FUT8: variants seen among roughly 807,000 people sequenced by gnomAD.
FUT8 encodes the protein alpha-(1,6)-fucosyltransferase.
A neutral mutation model predicts 71.3 loss-of-function variants in FUT8; 29 were observed. The observed-to-expected ratio is 0.41, with a 90% CI of 0.30 to 0.55. The LOEUF (loss-of-function observed/expected upper bound fraction) is 0.55. Among genes scored for constraint, FUT8 ranks in the 20% least tolerant of loss-of-function variants. The pLI, the probability that FUT8 is intolerant of heterozygous loss-of-function variation, is 0.34. For synonymous variants in FUT8, 254 were observed against 239.3 expected (o/e 1.06, Z -0.57); for missense variants, 544 against 702.1 (o/e 0.77, Z 2.55).
chr14:65,441,033 G>GA (rs920753728), intron 1 of FUT8, among the ~76,000 whole-genome samples: 176 of 151,302 alleles, frequency 1.2e-3, no homozygotes, highest in African/African-American at 3.8e-3. Context: ...CTTAAAAGAG[G>GA]AAAAAAAAGA....
rs1464357953 is a variant in FUT8, at chr14:65,550,892, T to C, written c.-227-10445T>C. ...TCTGTTGATGGGCAATTACGTTGTT[T>C]TTCCAGTTTAGTGCTGTTGCAGACA... On this transcript the variant is annotated intron_variant, in intron 2 of 10. Coordinates refer to ENST00000673929, the MANE Select transcript of FUT8 (RefSeq NM_001371533.1). The surrounding 1 kb of genome is among the most constrained non-coding windows in gnomAD (Gnocchi z 4.5). 6.6e-6 allele frequency among the ~76,000 whole-genome samples: 1 copy of C among 152,180 alleles called. No individual in the cohort carries two copies. Among genetic ancestry groups the C allele is most frequent in the Non-Finnish European group, 1.5e-5 (1 of 68,040 alleles).
At chr14:65,693,262 C>T (rs1309819596) in intron 7 of FUT8, among the ~76,000 whole-genome samples, 3 of 152,206 alleles carry the variant, frequency 2.0e-5, no homozygotes, top group South Asian at 4.1e-4. Context: ...CCAGGCACCT[C>T]GGGAGGCCGA....
At chr14:65,641,153 TCCGTTTGTGTTTCCTCCACCA>T (rs1313130043) in intron 6 of FUT8, among the ~76,000 whole-genome samples, 9 of 152,176 alleles carry the variant, frequency 5.9e-5, no homozygotes, top group Non-Finnish European at 1.3e-4. Context: ...TGTGCTCATG[TCCGTTTGTGTTTCCTCCACCA>T]CTTCCCACCT....
chr14:65,544,103 A>G (rs1429522385), intron 2 of FUT8, among the ~76,000 whole-genome samples: 1 of 152,164 alleles, frequency 6.6e-6, no homozygotes, highest in Non-Finnish European at 1.5e-5. Context: ...AAAGAAGTAT[A>G]ATATAAGTAG....
rs60967671 is a variant in FUT8 at position 65,643,665 on chromosome 14, T to TAC, written c.597+14108_597+14109dup. Among the ~76,000 whole-genome samples, 14,767 of 124,454 alleles carry TAC rather than the reference T, an allele frequency of 0.12. 992 individuals are homozygous for TAC. The highest frequency in any genetic ancestry group is 0.15 in the African/African-American group (4,759 of 31,156). The allele number at this position is 124,454 out of a possible 152,430, so 81.6% of individuals were successfully genotyped here. The stretch of plus-strand genomic sequence containing the variant: ...CGAGACTCCGTCTTTAAAAAAAAAA[T>TAC]ACACACACACACACACACACACACA... On this transcript the variant is annotated intron_variant, in intron 6 of 10. Coordinates refer to ENST00000673929, the MANE Select transcript of FUT8 (RefSeq NM_001371533.1). The surrounding 1 kb of genome is among the most constrained non-coding windows in gnomAD (Gnocchi z 4.5).
At chr14:65,380,280 A>G in the FUT8 span, among the ~76,000 whole-genome samples, 1 of 152,184 alleles carries the variant, frequency 6.6e-6, no homozygotes, top group African/African-American at 2.4e-5. Flanking sequence ...CACTATTACT[A>G]GAATAGCATG....
chr14:65,737,165 A>G (rs963208749), intron 10 of FUT8, among the ~76,000 whole-genome samples: 2 of 152,104 alleles, frequency 1.3e-5, no homozygotes, highest in Non-Finnish European at 2.9e-5. Context: ...TATATCCATA[A>G]GTGAGGTCTG....
intron 2 of FUT8, among the ~76,000 whole-genome samples, chr14:65,536,073 T>A (rs1884291753): frequency 6.6e-6 from 1 of 152,074 alleles, no homozygotes; most frequent in South Asian, 2.1e-4. Context: ...TGGCTTAAAA[T>A]CTGTTTTTTT....
the FUT8 span, among the ~76,000 whole-genome samples, chr14:65,401,033 G>A: frequency 6.6e-6 from 1 of 152,164 alleles, no homozygotes; most frequent in Non-Finnish European, 1.5e-5. Context: ...CCAGACCAAT[G>A]TAAGGGAGGC....
chr14:65,732,704 G>A (rs1385610204), intron 9 of FUT8, among the ~76,000 whole-genome samples: 1 of 152,116 alleles, frequency 6.6e-6, no homozygotes, highest in African/African-American at 2.4e-5. Flanking sequence ...TGCAGGTTAA[G>A]GGAGACTGTT....
chr14:65,496,244 C>T (rs2066557509), intron 2 of FUT8, among the ~76,000 whole-genome samples: 1 of 152,088 alleles, frequency 6.6e-6, no homozygotes, highest in South Asian at 2.1e-4. Context: ...AGTCATATTC[C>T]TTTTAGAATT....
chr14:65,669,171 TAAAAA>T lies in FUT8; in HGVS notation c.598-64_598-60del, dbSNP rs376073861. 1.1e-6 allele frequency: 1 copy of T among 928,180 alleles called. No homozygotes were observed. Among genetic ancestry groups the T allele is most frequent in the Non-Finnish European group, 1.6e-6 (1 of 639,772 alleles). The allele number at this position is 928,180 out of a possible 1,614,324, so 57.5% of individuals were successfully genotyped here. A position where few individuals can be genotyped will look rare whatever the true frequency, so the allele number is the denominator to read the frequency against. On this transcript the variant is annotated intron_variant, in intron 6 of 10. Coordinates refer to ENST00000673929, the MANE Select transcript of FUT8 (RefSeq NM_001371533.1). This position sits in a 1 kb window ranked among gnomAD's most constrained non-coding sequence, Gnocchi z 4.5. ...ATGTGTACCCCTGAAGATGAAAGAT[TAAAAA>T]AAAAAAAGAGCAGTTGACCTCTCTG...
At chr14:65,593,411 T>A (rs1419987765) in intron 3 of FUT8, among the ~76,000 whole-genome samples, 2 of 152,330 alleles carry the variant, frequency 1.3e-5, no homozygotes, top group African/African-American at 4.8e-5. Flanking sequence ...TCTTGAAATG[T>A]TCAAAATTTG....
In FUT8 at chr14:65,585,623, ATTAC is replaced by A. The variant is rs772108274; in HGVS notation, c.203+23860_203+23863del. ...TGTTTGTTCTTTTGATGCAACTATGATTACTTGTGTTTTAAAATATACTTTTAGA... is the reference window on the plus strand; with the variant it reads ...TGTTTGTTCTTTTGATGCAACTATGATTGTGTTTTAAAATATACTTTTAGA... On this transcript the variant is annotated intron_variant, in intron 3 of 10. Transcript: ENST00000673929. 3.9e-5 allele frequency among the ~76,000 whole-genome samples: 6 copies of A among 152,364 alleles called. No individual in the cohort carries two copies. In the South Asian group the frequency reaches 1.0e-3, roughly 26 times the overall value.
At chr14:65,386,013 G>A in the FUT8 span, among the ~76,000 whole-genome samples, 1,079 of 152,092 alleles carry the variant, frequency 7.1e-3, 10 homozygotes, top group African/African-American at 0.024. Context: ...TTAGCTGGGC[G>A]TGGTGGCATG....
At chr14:65,659,285 C>T (rs1015599304) in intron 6 of FUT8, among the ~76,000 whole-genome samples, 4 of 151,458 alleles carry the variant, frequency 2.6e-5, no homozygotes, top group Admixed American at 1.3e-4. Flanking sequence ...TGGCTGGCTG[C>T]ATGGAGAAAT....
chr14:65,618,979 G>T (rs553978243), intron 5 of FUT8, among the ~76,000 whole-genome samples: 49 of 152,244 alleles, frequency 3.2e-4, no homozygotes, highest in African/African-American at 1.1e-3. Flanking sequence ...CAGAGTGTGG[G>T]TACCCTGGCC....
At chr14:65,516,202 AAAAG>A (rs1225641384) in intron 2 of FUT8, 1 of 151,834 alleles carries the variant, frequency 6.6e-6, no homozygotes, top group Non-Finnish European at 1.5e-5. Flanking sequence ...AAGGAAAAAA[AAAAG>A]AAATTTCAGT....
At chr14:65,525,065 A>T (rs1883354258) in intron 2 of FUT8, among the ~76,000 whole-genome samples, 1 of 152,152 alleles carries the variant, frequency 6.6e-6, no homozygotes, top group Non-Finnish European at 1.5e-5. Flanking sequence ...TATCAGGATG[A>T]TGCTGGCCTC....
Sources: gnomAD v4.1 joint callset for allele counts (sites outside exome capture counted in the v4.1 genomes callset) on GRCh38, gnomAD v4.1.1 for gene constraint, Gnocchi (gnomAD v3.1) non-coding constraint, MANE v1.5 for transcripts, NCBI Gene and HGNC (gene_info 2026-07-23, HGNC 2026-07-21) for gene names.